Variants in PHF2 observed in about 807,000 individuals in gnomAD.
PHF2 encodes the protein lysine-specific demethylase PHF2.
A neutral mutation model predicts 120.5 loss-of-function variants in PHF2; 27 were observed. The ratio of observed to expected loss-of-function variants is 0.22; its 90% CI spans 0.17 to 0.31. PHF2 has a LOEUF of 0.31. Among genes scored for constraint, PHF2 ranks in the 10% least tolerant of loss-of-function variants. PHF2 has a pLI of 1.00. For synonymous variants in PHF2, 568 were observed against 592.5 expected, an observed-to-expected ratio of 0.96 and a Z score of 0.60; for missense variants, 1,024 against 1,434.8, an observed-to-expected ratio of 0.71 and a Z score of 4.63.
Position 93,649,415 on chromosome 9 carries a change from GCTGA to G in PHF2, c.602+207_602+210del, listed in dbSNP as rs575113150. Among the ~76,000 whole-genome samples the G allele has an allele frequency of 2.9e-4, 35 of 121,142 alleles. No individual in the cohort carries two copies. In the East Asian group the frequency reaches 3.0e-3, roughly 10 times the overall value. The allele number at this position is 121,142 out of a possible 152,430, so 79.5% of individuals were successfully genotyped here. Reference sequence around the variant, plus strand: ...TTTTTTTTTATAAGACTGGCCCACAGCTGACTGTTTCTCTTTTAAAGTATGAAGG... The same window carrying G: ...TTTTTTTTTATAAGACTGGCCCACAGCTGTTTCTCTTTTAAAGTATGAAGG... On this transcript the variant is annotated intron_variant, in intron 5 of 21. Coordinates refer to ENST00000359246, the MANE Select transcript of PHF2 (RefSeq NM_005392.4).
intron 1 of PHF2, among the ~76,000 whole-genome samples, chr9:93,596,367 A>G (rs1245132146): frequency 2.0e-5 from 3 of 152,106 alleles, no homozygotes; most frequent in Non-Finnish European, 2.9e-5. Flanking sequence ...GGCTCCATGG[A>G]TGCTTGAAGG....
intron 1 of PHF2, among the ~76,000 whole-genome samples, chr9:93,597,443 A>G (rs1376669279): frequency 6.6e-6 from 1 of 151,690 alleles, no homozygotes; most frequent in Non-Finnish European, 1.5e-5. Flanking sequence ...GTAGCCTCCC[A>G]CCTGCTCTCT....
intron 10 of PHF2, among the ~76,000 whole-genome samples, chr9:93,658,512 T>G (rs1587711643): frequency 6.6e-6 from 1 of 152,112 alleles, no homozygotes; most frequent in East Asian, 1.9e-4. Flanking sequence ...GCTCACAGCT[T>G]AGTCACAAGT....
At position 93,664,599 on chromosome 9, in the gene PHF2, CAG is replaced by C. The variant is rs374149434; in HGVS notation, c.1937+967_1937+968del. Reference sequence around the variant, plus strand: ...GTGGAGAAAGGGAGCAGTGCCCAGGCAGAGTCTTGTGAGTGTCAGGGAGCTCA... The same window carrying C: ...GTGGAGAAAGGGAGCAGTGCCCAGGCAGTCTTGTGAGTGTCAGGGAGCTCA... On this transcript the variant is annotated intron_variant, in intron 14 of 21. Coordinates refer to ENST00000359246, the MANE Select transcript of PHF2 (RefSeq NM_005392.4). Among the ~76,000 whole-genome samples the C allele has an allele frequency of 5.6e-4, 86 of 152,350 alleles. 1 individual carries two copies. In the East Asian group the frequency reaches 0.013, roughly 23 times the overall value.
intron 6 of PHF2, 128 bp downstream of exon 6, chr9:93,653,493 C>A: frequency 1.1e-6 from 1 of 935,210 alleles, no homozygotes; most frequent in Non-Finnish European, 1.6e-6. Context: ...GACTGTCCAT[C>A]CCTGGGACAG....
chr9:93,658,174 C>T lies in PHF2; in HGVS notation c.1177C>T (p.Pro393Ser), dbSNP rs765542572. 2 of 1,613,332 alleles carry T rather than the reference C, an allele frequency of 1.2e-6. No individual in the cohort carries two copies. The highest frequency in any genetic ancestry group is 1.1e-5 in the South Asian group (1 of 90,844). ...TCACAAATCTGGGAAGCAGCTGCCC[C>T]CTCATCTAGTCCAAGGAGCTAAAAT... is the stretch of plus-strand genomic sequence containing the variant. ...GSHKSGKQLP[P>S]HLVQGAKILN... Residue 393 changes from proline to serine, a missense_variant, in exon 10 of 22, where the codon CCT becomes TCT. Physicochemically the swap from Pro to Ser is moderately conservative, Grantham distance 74. Around this residue, in one of 2 missense-constraint regions of PHF2, gnomAD observed 347 missense variants for 577.4 expected, o/e 0.60. Coordinates refer to ENST00000359246, the MANE Select transcript of PHF2 (RefSeq NM_005392.4).
chr9:93,608,252 G>GT (rs1325962033), intron 1 of PHF2, among the ~76,000 whole-genome samples: 2 of 152,066 alleles, frequency 1.3e-5, no homozygotes, highest in Non-Finnish European at 2.9e-5. Context: ...GAGCCTAGGA[G>GT]TTTGAGTCTG....
intron 3 of PHF2, among the ~76,000 whole-genome samples, chr9:93,640,789 C>T (rs753763199): frequency 2.0e-5 from 3 of 152,030 alleles, no homozygotes; most frequent in East Asian, 3.8e-4. Context: ...AAGCTGGACA[C>T]GATGTATTGT....
intron 3 of PHF2, among the ~76,000 whole-genome samples, chr9:93,644,114 C>T (rs569544145): frequency 1.3e-4 from 20 of 152,264 alleles, no homozygotes; most frequent in African/African-American, 3.6e-4. Context: ...CGGCTGGGCG[C>T]GGTGGCTCAC....
rs1411212813 is a variant in PHF2, at chr9:93,667,083, G to A, written c.2191G>A (p.Asp731Asn). ...PKLDSAAYKS[D>N]DSSDEGSLHI... ...AGCCCTGTCCCTCGCGCAGCAGAGT[G>A]ATGACTCCTCGGACGAGGGTTCGCT... Residue 731 changes from aspartate to asparagine, a missense_variant, in exon 17 of 22, where the codon GAT (aspartate) becomes AAT (asparagine). By Grantham distance (23) the Asp-to-Asn change is conservative (BLOSUM62 1). This residue lies in a region of PHF2 where 677 missense variants were observed against 857.4 expected (regional missense o/e 0.79). Coordinates refer to ENST00000359246, the MANE Select transcript of PHF2 (RefSeq NM_005392.4). The A allele has an allele frequency of 1.2e-6, 2 of 1,612,222 alleles. No individual in the cohort carries two copies. The highest frequency in any genetic ancestry group is 2.7e-5 in the African/African-American group (2 of 74,896).
chr9:93,645,496 C>A, intron 3 of PHF2, 133 bp from the exon 4 acceptor site: 1 of 894,942 alleles, frequency 1.1e-6, no homozygotes, highest in Non-Finnish European at 1.6e-6. Context: ...CACGGCCAGG[C>A]CTCCTCCTGT....
chr9:93,623,407 C>T (rs1204034274), intron 1 of PHF2, among the ~76,000 whole-genome samples: 4 of 152,138 alleles, frequency 2.6e-5, no homozygotes, highest in East Asian at 1.9e-4. Context: ...AGTGAGTGCA[C>T]GTGACGTTTT....
At chr9:93,618,394 T>G (rs13296529) in intron 1 of PHF2, among the ~76,000 whole-genome samples, 1 of 151,754 alleles carries the variant, frequency 6.6e-6, no homozygotes. Flanking sequence ...CGCATACGCA[T>G]GCATACACAT....
intron 1 of PHF2, among the ~76,000 whole-genome samples, chr9:93,615,406 T>C (rs1049168139): frequency 2.0e-5 from 3 of 152,126 alleles, no homozygotes; most frequent in Admixed American, 2.0e-4. Flanking sequence ...ATGACGATGA[T>C]GATGGTGATG....
chr9:93,595,830 T>C (rs1000525981), intron 1 of PHF2, among the ~76,000 whole-genome samples: 1 of 152,254 alleles, frequency 6.6e-6, no homozygotes, highest in Non-Finnish European at 1.5e-5. Flanking sequence ...GTCAACATCC[T>C]GATGTTAATC....
chr9:93,667,363 C>G (rs987457401), intron 17 of PHF2, 123 bp downstream of exon 17: 2 of 1,158,122 alleles, frequency 1.7e-6, no homozygotes, highest in Non-Finnish European at 2.4e-6. Context: ...TGAGCCGCCC[C>G]TGGGCCTGGG....
intron 5 of PHF2, 33 bp downstream of exon 5, chr9:93,649,245 G>A (rs1826315598): frequency 6.5e-7 from 1 of 1,536,700 alleles, no homozygotes; most frequent in Non-Finnish European, 8.8e-7. Flanking sequence ...TGTGGGGGCT[G>A]GGGTTGGGGC....
chr9:93,636,385 G>A (rs758091842), intron 2 of PHF2, 26 bp from the exon 3 acceptor site: 139 of 1,568,218 alleles, frequency 8.9e-5, no homozygotes, highest in Non-Finnish European at 1.1e-4. Context: ...CTGTGTGACC[G>A]ACCTTGCTTC....
At chr9:93,633,147 C>T (rs2001610) in intron 2 of PHF2, among the ~76,000 whole-genome samples, 55,930 of 152,036 alleles carry the variant, frequency 0.37, 10,619 homozygotes, top group Non-Finnish European at 0.39. Context: ...GTTCCCAGAG[C>T]GAGCTGTGCC....
Sources: allele counts gnomAD v4.1 joint callset (sites outside exome capture counted in the v4.1 genomes callset), GRCh38; gene constraint gnomAD v4.1.1; regional missense constraint gnomAD v4.1.1; transcripts MANE v1.5; gene names NCBI Gene and HGNC (gene_info 2026-07-23, HGNC 2026-07-21).